FN3K: variants seen among roughly 807,000 people sequenced by gnomAD.
FN3K encodes fructosamine 3 kinase.
FN3K carries 24 observed loss-of-function variants against 24.8 expected under a neutral mutation model. The observed-to-expected ratio is 0.97, with a 90% CI of 0.70 to 1.36. FN3K has a LOEUF of 1.36. FN3K is among the 40% of genes most tolerant of loss of function. FN3K has a pLI of 0.00. For missense variants in FN3K, 449 were observed against 416.7 expected (o/e 1.08, Z -0.67); for synonymous variants, 192 against 175.2 (o/e 1.10, Z -0.76).
rs1355929243 is a variant in FN3K at position 82,735,676 on chromosome 17, C to T, written c.40C>T (p.Leu14=). ...GCGCGCCGAGCTGCGCACCGCGACC[C>T]TGCGGGCCTTCGGCGGCCCCGGCGC... ...LLRAELRTAT[L]RAFGGPGAGC... Residue 14 remains leucine (L), a synonymous_variant, in exon 1 of 6, where the codon CTG becomes TTG. Coordinates refer to ENST00000300784, the MANE Select transcript of FN3K (RefSeq NM_022158.4). The T allele has an allele frequency of 6.5e-7, 1 of 1,540,982 alleles. No individual in the cohort carries two copies. The highest frequency in any genetic ancestry group is 2.3e-4 in the Middle Eastern group (1 of 4,402).
At chr17:82,742,828 T>C (rs755934667) in intron 4 of FN3K, 1 of 427,438 alleles carries the variant, frequency 2.3e-6, no homozygotes, top group South Asian at 1.7e-5. Flanking sequence ...CTTTCAAATC[T>C]GTCTCCTTGT....
At chr17:82,741,672 C>T in intron 4 of FN3K, 3 of 431,066 alleles carry the variant, frequency 7.0e-6, no homozygotes, top group Admixed American at 3.5e-5. Flanking sequence ...CCTGATGAGT[C>T]TGAGGGACTG....
At chr17:82,749,066 G>A in intron 5 of FN3K, 89 bp downstream of exon 5, 1 of 1,579,072 alleles carries the variant, frequency 6.3e-7, no homozygotes, top group South Asian at 1.1e-5. Context: ...AACGGAGCTG[G>A]AGCAGGGAAC....
intron 4 of FN3K, among the ~76,000 whole-genome samples, chr17:82,748,261 C>T (rs531092247): frequency 3.3e-5 from 5 of 151,956 alleles, no homozygotes; most frequent in South Asian, 2.1e-4. Flanking sequence ...GATTCTCCTA[C>T]GTCAGCCTCC....
chr17:82,738,427 G>C, intron 1 of FN3K, 62 bp from the exon 2 acceptor site: 1 of 1,606,466 alleles, frequency 6.2e-7, no homozygotes, highest in South Asian at 1.1e-5. Context: ...TCTGTCAAGG[G>C]CCCAGTGGGC....
At position 82,750,930 on chromosome 17, in the gene FN3K, CT is replaced by C. The variant is rs2047027972; in HGVS notation, c.*176del. Reference sequence around the variant, plus strand: ...TGTCCCCGTCCCCCCGTCCCCGTCCCTCCATCCCTGTCCCCCGTCCCCCTGT... The same window carrying C: ...TGTCCCCGTCCCCCCGTCCCCGTCCCCCATCCCTGTCCCCCGTCCCCCTGT... On this transcript the variant is annotated 3_prime_UTR_variant, in exon 6 of 6. Coordinates refer to ENST00000300784, the MANE Select transcript of FN3K (RefSeq NM_022158.4). 4.8e-5 allele frequency: 17 copies of C among 351,968 alleles called. No homozygotes were observed. The highest frequency in any genetic ancestry group is 1.0e-4 in the African/African-American group (2 of 19,734). The allele number at this position is 351,968 out of a possible 1,614,324, so 21.8% of individuals were successfully genotyped here.
At chr17:82,742,388 C>G (rs1270239507) in intron 4 of FN3K, among the ~76,000 whole-genome samples, 2 of 152,190 alleles carry the variant, frequency 1.3e-5, no homozygotes, top group Non-Finnish European at 2.9e-5. Context: ...AGTCACTCCC[C>G]ATTTCCCCCT....
At chr17:82,738,419 T>C (rs565750159) in intron 1 of FN3K, 70 bp from the exon 2 acceptor site, 2 of 1,601,308 alleles carry the variant, frequency 1.2e-6, no homozygotes, top group Non-Finnish European at 8.5e-7. Context: ...TGGTAGCTTC[T>C]GTCAAGGGCC....
Position 82,750,703 on chromosome 17 carries a change from G to A in FN3K, c.878G>A (p.Gly293Glu), listed in dbSNP as rs774720137. The stretch of plus-strand genomic sequence containing the variant: ...TACCTGAACCACTGGAACCACTTCG[G>A]GCGGGAGTACAGGAGCCCTTCCTTG... ...FNYLNHWNHF[G>E]REYRSPSLGT... is the part of the protein sequence containing the mutation. The change falls in exon 6 of 6, where the codon GGG becomes GAG. Residue 293 changes from glycine to glutamate, a missense_variant. Transcript: ENST00000300784. 1.5e-5 allele frequency: 25 copies of A among 1,613,634 alleles called. No homozygotes were observed. Among genetic ancestry groups the A allele is most frequent in the Non-Finnish European group, 2.1e-5 (25 of 1,179,994 alleles).
rs781261709 is a variant in FN3K, at chr17:82,741,400, G to T, written c.468+7G>T. 3 of 1,612,048 alleles carry T rather than the reference G, an allele frequency of 1.9e-6. No homozygotes were observed. The African/African-American group carries it at 4.0e-5, about 22-fold the overall frequency. ...CTGCGGCTTCATCCCGCAGGTGAGT[G>T]CCTGGGTGAGGGTGTTCCCTGATGC... is the stretch of plus-strand genomic sequence containing the variant. On this transcript the variant is annotated splice_region_variant and intron_variant, in intron 4 of 5. Coordinates refer to ENST00000300784, the MANE Select transcript of FN3K (RefSeq NM_022158.4).
Position 82,735,793 on chromosome 17 carries a change from C to G in FN3K, c.141+16C>G, listed in dbSNP as rs753672071. On this transcript the variant is annotated intron_variant, in intron 1 of 5. Transcript: ENST00000300784. ...CAGGACGCAGGTGCTGGCCCGTGCG[C>G]AGGCGGGGGCTCTGCGGGTCTCTGC... The G allele has an allele frequency of 1.3e-6, 2 of 1,552,514 alleles. No individual in the cohort carries two copies. Among genetic ancestry groups the G allele is most frequent in the Non-Finnish European group, 1.7e-6 (2 of 1,149,846 alleles).
In FN3K at chr17:82,750,627, C is replaced by T. The variant is rs2047009119; in HGVS notation, c.802C>T (p.Pro268Ser). The T allele has an allele frequency of 1.9e-6, 3 of 1,614,096 alleles. No homozygotes were observed. Among genetic ancestry groups the T allele is most frequent in the Non-Finnish European group, 2.5e-6 (3 of 1,180,022 alleles). Residue 268 changes from proline (P) to serine (S), a missense_variant, in exon 6 of 6, where the codon CCC (proline) becomes TCC (serine). Coordinates refer to ENST00000300784, the MANE Select transcript of FN3K (RefSeq NM_022158.4). Reference sequence around the variant, plus strand: ...CTTCACCGCCTACCACCGGAAGATCCCCAAGGCTCCGGGCTTCGACCAGCG... The same window carrying T: ...CTTCACCGCCTACCACCGGAAGATCTCCAAGGCTCCGGGCTTCGACCAGCG... The part of the protein sequence containing the change: ...SFFTAYHRKI[P>S]KAPGFDQRLL...
intron 1 of FN3K, among the ~76,000 whole-genome samples, chr17:82,737,068 G>T (rs939025597): frequency 2.0e-5 from 3 of 152,120 alleles, no homozygotes; most frequent in Non-Finnish European, 4.4e-5. Context: ...AGCAGGGCTG[G>T]GGTGTGCCGG....
intron 4 of FN3K, among the ~76,000 whole-genome samples, chr17:82,748,034 T>C (rs2046977942): frequency 6.6e-6 from 1 of 152,210 alleles, no homozygotes; most frequent in African/African-American, 2.4e-5. Flanking sequence ...GTGTAGGCAT[T>C]TAGGATTATT....
chr17:82,749,249 T>C lies in FN3K; in HGVS notation c.591+272T>C, dbSNP rs183648477. On this transcript the variant is annotated intron_variant, in intron 5 of 5. Transcript: ENST00000300784. ...CTTTCCTCATGTGAAACACAGGTGC[T>C]TGTAAATGGTGGTGTTTACCATGAT... The C allele has an allele frequency of 1.7e-5, 9 of 529,752 alleles. No homozygotes were observed. The African/African-American group carries it at 1.7e-4, about 10-fold the overall frequency. The allele number at this position is 529,752 out of a possible 1,614,324, so 32.8% of individuals were successfully genotyped here.
chr17:82,740,863 A>C lies in FN3K; in HGVS notation c.385+9A>C. 1.2e-6 allele frequency: 2 copies of C among 1,604,268 alleles called. No individual in the cohort carries two copies. The highest frequency in any genetic ancestry group is 1.7e-4 in the Middle Eastern group (1 of 5,972). On this transcript the variant is annotated intron_variant, in intron 3 of 5. Transcript: ENST00000300784. ...GGAGGAGAACACAGTGGGTATGTTC[A>C]GATTGCTTTTGGGTACCCTTGATCC...
In FN3K at chr17:82,737,471, C is replaced by T. The variant is rs564387151; in HGVS notation, c.142-1018C>T. ...CCGAGTAGCTGGGACTACAGGTGCC[C>T]GCCACCTTGCCTGGCTAATTTTTTG... On this transcript the variant is annotated intron_variant, in intron 1 of 5. Coordinates refer to ENST00000300784, the MANE Select transcript of FN3K (RefSeq NM_022158.4). Among the ~76,000 whole-genome samples, 17 of 152,134 alleles carry T rather than the reference C, an allele frequency of 1.1e-4. No homozygotes were observed. The South Asian group carries it at 2.1e-3, about 19-fold the overall frequency.
At chr17:82,735,869 G>C (rs2046897503) in intron 1 of FN3K, 92 bp downstream of exon 1, 1 of 1,472,626 alleles carries the variant, frequency 6.8e-7, no homozygotes, top group Admixed American at 2.0e-5. Flanking sequence ...CCTGGGGCTG[G>C]GCCTGGGGAG....
At chr17:82,747,352 T>C (rs1387084391) in intron 4 of FN3K, among the ~76,000 whole-genome samples, 1 of 152,216 alleles carries the variant, frequency 6.6e-6, no homozygotes, top group East Asian at 1.9e-4. Flanking sequence ...TAGAACTGTG[T>C]TTAGTTTTAA....
Sources: allele counts gnomAD v4.1 joint callset (sites outside exome capture counted in the v4.1 genomes callset), GRCh38; gene constraint gnomAD v4.1.1; transcripts MANE v1.5; gene names NCBI Gene and HGNC (gene_info 2026-07-23, HGNC 2026-07-21).